DPYSL3: variants seen among roughly 807,000 people sequenced by gnomAD.
The protein encoded by DPYSL3 is dihydropyrimidinase-related protein 3.
DPYSL3 carries 16 observed loss-of-function variants against 66.1 expected under a neutral mutation model. The ratio of observed to expected loss-of-function variants is 0.24; its 90% CI spans 0.16 to 0.37. The LOEUF (loss-of-function observed/expected upper bound fraction) is 0.37. DPYSL3 is among the 10% of genes least tolerant of loss of function. DPYSL3 has a pLI of 1.00. For missense variants in DPYSL3, 738 were observed against 916.2 expected, an observed-to-expected ratio of 0.81 and a Z score of 2.51; for synonymous variants, 338 against 345.1, an observed-to-expected ratio of 0.98 and a Z score of 0.23.
At chr5:147,402,073 A>T (rs2152017501) in intron 8 of DPYSL3, 1 of 180,230 alleles carries the variant, frequency 5.5e-6, no homozygotes, top group South Asian at 1.3e-4. Flanking sequence ...ACCAAGGCTG[A>T]AATAGATATA....
chr5:147,480,651 C>T (rs1003105534), intron 1 of DPYSL3, among the ~76,000 whole-genome samples: 2 of 151,194 alleles, frequency 1.3e-5, no homozygotes. Flanking sequence ...ACAATCAATA[C>T]AGATTTGTTG....
intron 1 of DPYSL3, among the ~76,000 whole-genome samples, chr5:147,425,852 G>A (rs1394659282): frequency 6.6e-6 from 1 of 152,132 alleles, no homozygotes. Context: ...AGCTTAGGCT[G>A]GAGTATGAGG....
intron 2 of DPYSL3, among the ~76,000 whole-genome samples, chr5:147,420,011 A>T (rs1402299634): frequency 6.6e-6 from 1 of 152,160 alleles, no homozygotes; most frequent in African/African-American, 2.4e-5. Context: ...CCAAGCCTGA[A>T]ATAGAAATGG....
At chr5:147,424,511 T>C (rs1032875685) in intron 2 of DPYSL3, among the ~76,000 whole-genome samples, 2 of 152,212 alleles carry the variant, frequency 1.3e-5, no homozygotes, top group African/African-American at 4.8e-5. Flanking sequence ...AGGTTCAGAT[T>C]AAATACTCTC....
At chr5:147,425,026 C>A in intron 1 of DPYSL3, 63 bp from the exon 2 acceptor site, 2 of 1,324,404 alleles carry the variant, frequency 1.5e-6, no homozygotes, top group South Asian at 1.3e-5. Context: ...AGTGATCTGC[C>A]AAGGTTTTCC....
intron 1 of DPYSL3, among the ~76,000 whole-genome samples, chr5:147,493,068 C>T (rs187732108): frequency 3.3e-5 from 5 of 152,176 alleles, no homozygotes; most frequent in East Asian, 1.9e-4. Context: ...GAATAGACCT[C>T]GGAGCAAGCG....
intron 1 of DPYSL3, among the ~76,000 whole-genome samples, chr5:147,452,016 C>A (rs1481216154): frequency 6.6e-6 from 1 of 152,128 alleles, no homozygotes; most frequent in African/African-American, 2.4e-5. Context: ...CTCTACCAGG[C>A]AAAAGGATCC....
chr5:147,399,848 A>G (rs1758118163), intron 10 of DPYSL3, among the ~76,000 whole-genome samples: 1 of 152,246 alleles, frequency 6.6e-6, no homozygotes, highest in Middle Eastern at 3.2e-3. Context: ...ACTGCTCTGC[A>G]GTATATGAAA....
At chr5:147,425,521 C>T (rs577591585) in intron 1 of DPYSL3, among the ~76,000 whole-genome samples, 143 of 152,216 alleles carry the variant, frequency 9.4e-4, no homozygotes, top group African/African-American at 3.2e-3. Context: ...GTAATAAAAC[C>T]GCTAGAAGGG....
intron 1 of DPYSL3, among the ~76,000 whole-genome samples, chr5:147,491,971 T>TA (rs760401984): frequency 4.8e-4 from 72 of 151,542 alleles, no homozygotes; most frequent in Non-Finnish European, 8.3e-4. Context: ...AAGATAAACA[T>TA]CAAAAAAAAC....
At chr5:147,438,614 C>G (rs1185725533) in intron 1 of DPYSL3, among the ~76,000 whole-genome samples, 2 of 152,174 alleles carry the variant, frequency 1.3e-5, no homozygotes. Flanking sequence ...ATAAAGCTGC[C>G]CACTTCTCTT....
intron 1 of DPYSL3, among the ~76,000 whole-genome samples, chr5:147,499,761 A>C (rs1392263491): frequency 6.6e-6 from 1 of 152,200 alleles, no homozygotes; most frequent in Non-Finnish European, 1.5e-5. Context: ...TTGAAGGAAA[A>C]TAACAAAATC....
intron 7 of DPYSL3, among the ~76,000 whole-genome samples, chr5:147,406,774 A>C (rs1758333552): frequency 6.6e-6 from 1 of 152,142 alleles, no homozygotes; most frequent in Admixed American, 6.5e-5. Flanking sequence ...TATGGATATG[A>C]CATTCTGGTT....
At chr5:147,412,558 A>G (rs1322671484) in intron 6 of DPYSL3, 50 bp downstream of exon 6, 2 of 1,554,216 alleles carry the variant, frequency 1.3e-6, no homozygotes, top group Non-Finnish European at 1.8e-6. Flanking sequence ...AATGAAGAAG[A>G]AAATGGAATG....
intron 1 of DPYSL3, among the ~76,000 whole-genome samples, chr5:147,440,449 C>T (rs1027491671): frequency 1.3e-5 from 2 of 152,166 alleles, no homozygotes; most frequent in Non-Finnish European, 2.9e-5. Flanking sequence ...TCCAAGTCTC[C>T]TCATGTTATA....
chr5:147,401,041 T>C (rs1289015482), intron 9 of DPYSL3, among the ~76,000 whole-genome samples: 1 of 152,194 alleles, frequency 6.6e-6, no homozygotes, highest in Admixed American at 6.5e-5. Context: ...GGGGGTGGGA[T>C]TAGCTCATCT....
chr5:147,442,844 CA>C (rs11383280), intron 1 of DPYSL3, among the ~76,000 whole-genome samples: 4,525 of 148,148 alleles, frequency 0.031, 127 homozygotes, highest in East Asian at 0.15. Context: ...CAAATATAGT[CA>C]AAAAAAAAAA....
intron 1 of DPYSL3, among the ~76,000 whole-genome samples, chr5:147,432,160 G>A (rs1242894224): frequency 6.6e-6 from 1 of 152,150 alleles, no homozygotes; most frequent in African/African-American, 2.4e-5. Context: ...GAGGTGTGCT[G>A]GAAGTAGGTC....
At chr5:147,487,572 C>T (rs574434674) in intron 1 of DPYSL3, among the ~76,000 whole-genome samples, 2 of 152,308 alleles carry the variant, frequency 1.3e-5, no homozygotes, top group African/African-American at 4.8e-5. Context: ...AAATCCAACC[C>T]ACCACCTGTT....
Sources: allele counts gnomAD v4.1 joint callset (sites outside exome capture counted in the v4.1 genomes callset), GRCh38; gene constraint gnomAD v4.1.1; transcripts MANE v1.5; gene names NCBI Gene and HGNC (gene_info 2026-07-23, HGNC 2026-07-21).